Variants in GALNT17 observed in about 807,000 individuals in gnomAD.
The protein encoded by GALNT17 is polypeptide N-acetylgalactosaminyltransferase 17.
A neutral mutation model predicts 63.7 loss-of-function variants in GALNT17; 29 were observed. That is an observed-to-expected ratio of 0.46 (90% CI 0.34 to 0.62). The LOEUF is 0.62. Among genes scored for constraint, GALNT17 ranks in the 20% least tolerant of loss-of-function variants. The pLI is 0.01. For synonymous variants in GALNT17, 305 were observed against 318.3 expected, an observed-to-expected ratio of 0.96 and a Z score of 0.45; for missense variants, 603 against 799.6, an observed-to-expected ratio of 0.75 and a Z score of 2.97.
chr7:71,612,435 C>T (rs1036005870), intron 6 of GALNT17, among the ~76,000 whole-genome samples: 14 of 152,192 alleles, frequency 9.2e-5, no homozygotes, highest in African/African-American at 2.9e-4. Context: ...TCCAGCTCCA[C>T]GCTCTTCGTG....
chr7:71,568,506 C>T (rs1166622655), intron 5 of GALNT17, among the ~76,000 whole-genome samples: 3 of 152,194 alleles, frequency 2.0e-5, no homozygotes, highest in Admixed American at 2.0e-4. Context: ...ACAGCACCAG[C>T]AAAATGCCTT....
rs1054703409 is a variant in GALNT17 at position 71,561,808 on chromosome 7, A to G, written c.963-9477A>G. 2.0e-5 allele frequency among the ~76,000 whole-genome samples: 3 copies of G among 152,074 alleles called. No homozygotes were observed. In the East Asian group the frequency reaches 5.8e-4, roughly 29 times the overall value. ...TGAGACAGCGAGCCACATGGTGACA[A>G]GCAGGCATCCAAGCGGGAGAATGTC... is the stretch of plus-strand genomic sequence containing the variant. On this transcript the variant is annotated intron_variant, in intron 5 of 10. Coordinates refer to ENST00000333538, the MANE Select transcript of GALNT17 (RefSeq NM_022479.3).
At chr7:71,270,873 T>C (rs566488104) in intron 1 of GALNT17, among the ~76,000 whole-genome samples, 143 of 151,698 alleles carry the variant, frequency 9.4e-4, no homozygotes, top group African/African-American at 2.5e-3. Flanking sequence ...AAAAGTAATT[T>C]AAGTAATTTA....
At chr7:71,640,165 T>C (rs374107749) in intron 6 of GALNT17, among the ~76,000 whole-genome samples, 3 of 152,320 alleles carry the variant, frequency 2.0e-5, no homozygotes, top group South Asian at 2.1e-4. Flanking sequence ...AATCCATCAT[T>C]TAATATGGTC....
At chr7:71,694,900 G>A (rs1050867028) in intron 9 of GALNT17, among the ~76,000 whole-genome samples, 14 of 152,202 alleles carry the variant, frequency 9.2e-5, no homozygotes, top group Non-Finnish European at 2.1e-4. Flanking sequence ...AAAGTGAGCT[G>A]GTTGAGCCGT....
intron 1 of GALNT17, among the ~76,000 whole-genome samples, chr7:71,208,449 C>CTTTTTTT (rs11341410): frequency 8.8e-6 from 1 of 113,468 alleles, no homozygotes; most frequent in Non-Finnish European, 1.7e-5. Context: ...TTAATAAATG[C>CTTTTTTT]TTTTTTTTTT....
At chr7:71,336,540 T>G (rs927926888) in intron 2 of GALNT17, among the ~76,000 whole-genome samples, 4 of 152,178 alleles carry the variant, frequency 2.6e-5, no homozygotes, top group African/African-American at 9.7e-5. Flanking sequence ...TTCCCCTCTT[T>G]ATGTCCATGT....
chr7:71,163,339 T>G (rs1309828185), intron 1 of GALNT17, among the ~76,000 whole-genome samples: 1 of 152,162 alleles, frequency 6.6e-6, no homozygotes, highest in Non-Finnish European at 1.5e-5. Flanking sequence ...GATCTAGGTT[T>G]GGTTTACATG....
intron 6 of GALNT17, among the ~76,000 whole-genome samples, chr7:71,601,452 G>C (rs931222202): frequency 6.6e-6 from 1 of 152,076 alleles, no homozygotes; most frequent in Non-Finnish European, 1.5e-5. Flanking sequence ...GACGGAGACA[G>C]AGCTGGGAAG....
chr7:71,135,461 C>T (rs1446053915), intron 1 of GALNT17, among the ~76,000 whole-genome samples: 1 of 152,164 alleles, frequency 6.6e-6, no homozygotes, highest in African/African-American at 2.4e-5. Context: ...CTGACACCCG[C>T]CTGAACAACT....
intron 5 of GALNT17, among the ~76,000 whole-genome samples, chr7:71,497,837 C>T (rs1788120717): frequency 6.6e-6 from 1 of 152,234 alleles, no homozygotes; most frequent in Admixed American, 6.5e-5. Flanking sequence ...ACAGGAAGCA[C>T]TGGGAACCCA....
chr7:71,246,048 A>C (rs1790087971), intron 1 of GALNT17, among the ~76,000 whole-genome samples: 1 of 151,524 alleles, frequency 6.6e-6, no homozygotes, highest in African/African-American at 2.4e-5. Context: ...TGCTAGGGAA[A>C]TCAATCATAA....
chr7:71,416,056 G>T lies in GALNT17; in HGVS notation c.757G>T (p.Ala253Ser), dbSNP rs530212430. Residue 253 changes from alanine to serine, a missense_variant, in exon 4 of 11, where the codon GCT (alanine) becomes TCT (serine). By Grantham distance (99) the Ala-to-Ser change is moderately conservative. Coordinates refer to ENST00000333538, the MANE Select transcript of GALNT17 (RefSeq NM_022479.3). ...GFFDAHVEFT[A>S]GWAEPVLSRI... ...CTTTGATGCCCACGTGGAATTCACC[G>T]CTGGCTGGTAGGTCATGAGCTGAAA... 1 of 1,609,952 alleles carries T rather than the reference G, an allele frequency of 6.2e-7. No individual in the cohort carries two copies. Among genetic ancestry groups the T allele is most frequent in the Non-Finnish European group, 8.5e-7 (1 of 1,178,238 alleles).
intron 6 of GALNT17, among the ~76,000 whole-genome samples, chr7:71,641,083 G>A (rs536954743): frequency 3.9e-5 from 6 of 152,280 alleles, no homozygotes; most frequent in African/African-American, 1.4e-4. Flanking sequence ...CAGGGAGCTG[G>A]GATGCAAGCA....
chr7:71,650,209 A>G (rs1277924824), intron 6 of GALNT17, among the ~76,000 whole-genome samples: 1 of 152,318 alleles, frequency 6.6e-6, no homozygotes, highest in East Asian at 1.9e-4. Flanking sequence ...GAGTGATCAC[A>G]AGCTTTGCTG....
chr7:71,306,502 C>T (rs1163264855), intron 1 of GALNT17, among the ~76,000 whole-genome samples: 2 of 152,066 alleles, frequency 1.3e-5, no homozygotes, highest in Non-Finnish European at 2.9e-5. Flanking sequence ...CCTTTTGTGA[C>T]TGGTTTATTT....
At chr7:71,504,993 C>A (rs1421245737) in intron 5 of GALNT17, among the ~76,000 whole-genome samples, 1 of 152,150 alleles carries the variant, frequency 6.6e-6, no homozygotes, top group Non-Finnish European at 1.5e-5. Context: ...ACACTGCAAT[C>A]TTAGGGCAAG....
intron 5 of GALNT17, 51 bp from the exon 6 acceptor site, chr7:71,571,234 G>C (rs1285306872): frequency 6.5e-7 from 1 of 1,526,762 alleles, no homozygotes. Flanking sequence ...CTATGGAAGG[G>C]CTTCTGGCAC....
At chr7:71,683,958 G>T (rs1342320150) in intron 9 of GALNT17, among the ~76,000 whole-genome samples, 6 of 145,556 alleles carry the variant, frequency 4.1e-5, no homozygotes, top group Non-Finnish European at 6.0e-5. Context: ...GCAGTGAGCT[G>T]AGACCATGCC....
Sources: allele counts gnomAD v4.1 joint callset (sites outside exome capture counted in the v4.1 genomes callset), GRCh38; gene constraint gnomAD v4.1.1; transcripts MANE v1.5; gene names NCBI Gene and HGNC (gene_info 2026-07-23, HGNC 2026-07-21).